KIAA1217: variants seen among roughly 807,000 people sequenced by gnomAD.
KIAA1217 encodes sickle tail protein homolog.
KIAA1217 carries 88 observed loss-of-function variants against 163.9 expected under a neutral mutation model. That is an observed-to-expected ratio of 0.54 (90% CI 0.45 to 0.64). The LOEUF (loss-of-function observed/expected upper bound fraction) is 0.64, where lower values mean the gene tolerates loss of function less well. KIAA1217 is among the 30% of genes least tolerant of loss of function. KIAA1217 has a pLI of 0.00. For synonymous variants in KIAA1217, 903 were observed against 923.1 expected (o/e 0.98, Z 0.39); for missense variants, 2,372 against 2,475.0 (o/e 0.96, Z 0.88).
intron 1 of KIAA1217, among the ~76,000 whole-genome samples, chr10:23,821,207 T>A (rs1837608835): frequency 6.6e-6 from 1 of 152,018 alleles, no homozygotes. Context: ...GCATGTATCA[T>A]CACTGAAATT....
chr10:23,940,460 C>CAAAAAAAAAAAAAAAAA (rs760090400), intron 1 of KIAA1217, among the ~76,000 whole-genome samples: 4 of 46,022 alleles, frequency 8.7e-5, no homozygotes, highest in African/African-American at 1.9e-4. Context: ...GACTCCGTCT[C>CAAAAAAAAAAAAAAAAA]AAAAAAAAAA....
rs974535813 is a variant in KIAA1217 at position 24,355,173 on chromosome 10, G to A, written c.355-25696G>A. Reference sequence around the variant, plus strand: ...GGCTGAACTCAGTCCCTGGAGCTTGGGGCCAGAGGAGGTTGCAGCTGTGTA... The same window carrying A: ...GGCTGAACTCAGTCCCTGGAGCTTGAGGCCAGAGGAGGTTGCAGCTGTGTA... On this transcript the variant is annotated intron_variant, in intron 2 of 20. Transcript: ENST00000376454. 4.6e-5 allele frequency among the ~76,000 whole-genome samples: 7 copies of A among 152,188 alleles called. No individual in the cohort carries two copies. The East Asian group carries it at 1.3e-3, about 29-fold the overall frequency.
At chr10:24,309,150 AAGGGAGGG>A (rs1162538496) in intron 2 of KIAA1217, among the ~76,000 whole-genome samples, 2 of 115,508 alleles carry the variant, frequency 1.7e-5, no homozygotes, top group South Asian at 7.0e-4. Flanking sequence ...GGAAGGAAGG[AAGGGAGGG>A]AGGGAGGGAG....
chr10:24,323,517 A>T (rs1164532107), intron 2 of KIAA1217, among the ~76,000 whole-genome samples: 1 of 152,186 alleles, frequency 6.6e-6, no homozygotes, highest in Non-Finnish European at 1.5e-5. Flanking sequence ...GTCCCTACTC[A>T]TGCTCTTTAT....
intron 1 of KIAA1217, among the ~76,000 whole-genome samples, chr10:23,952,472 T>C (rs934540891): frequency 1.3e-5 from 2 of 152,138 alleles, no homozygotes; most frequent in African/African-American, 4.8e-5. Flanking sequence ...CTGAGAGAAA[T>C]CACTCTGAAT....
At chr10:23,918,196 C>T (rs1171836039) in intron 1 of KIAA1217, among the ~76,000 whole-genome samples, 1 of 145,780 alleles carries the variant, frequency 6.9e-6, no homozygotes, top group African/African-American at 2.5e-5. Context: ...TTGCTTCATT[C>T]CCCAGGTTGT....
At chr10:23,840,812 T>A (rs1284184532) in intron 1 of KIAA1217, among the ~76,000 whole-genome samples, 1 of 152,132 alleles carries the variant, frequency 6.6e-6, no homozygotes, top group Non-Finnish European at 1.5e-5. Context: ...ATAATCAGAG[T>A]TCGACAGAAC....
Position 24,334,714 on chromosome 10 carries a change from T to C in KIAA1217, c.355-46155T>C, listed in dbSNP as rs189620064. Reference sequence around the variant, plus strand: ...TGCTCACTCACCATTGTAACTCTACTTCCAACAGTGTTTGGCACATAGTCA... The same window carrying C: ...TGCTCACTCACCATTGTAACTCTACCTCCAACAGTGTTTGGCACATAGTCA... On this transcript the variant is annotated intron_variant, in intron 2 of 20. Coordinates refer to ENST00000376454, the MANE Select transcript of KIAA1217 (RefSeq NM_019590.5). Among the ~76,000 whole-genome samples the C allele has an allele frequency of 5.3e-5, 8 of 152,334 alleles. 1 individual carries two copies. In the East Asian group the frequency reaches 1.5e-3, roughly 29 times the overall value.
intron 2 of KIAA1217, among the ~76,000 whole-genome samples, chr10:24,143,514 C>T (rs913954653): frequency 3.3e-5 from 5 of 152,230 alleles, no homozygotes; most frequent in Admixed American, 6.5e-5. Flanking sequence ...CCACCCACCT[C>T]GGCCTCCCAA....
At position 24,545,022 on chromosome 10, in the gene KIAA1217, C is replaced by A; in HGVS notation, c.5253C>A (p.Pro1751=). 1.2e-6 allele frequency: 2 copies of A among 1,614,114 alleles called. No individual in the cohort carries two copies. Among genetic ancestry groups the A allele is most frequent in the Non-Finnish European group, 1.7e-6 (2 of 1,180,008 alleles). The change falls in exon 20 of 21, where the codon CCC becomes CCA. Residue 1751 remains proline, a synonymous_variant. Transcript: ENST00000376454. ...CACAGACGAGCAGGATGCCTGTCCC[C>A]ATGAGTGCCAAGAACAGACCCGGAA... ...GAPQTSRMPV[P]MSAKNRPGTL... is the part of the protein sequence containing the mutation.
chr10:24,469,875 G>A (rs1265199642), intron 5 of KIAA1217, among the ~76,000 whole-genome samples: 1 of 152,202 alleles, frequency 6.6e-6, no homozygotes, highest in African/African-American at 2.4e-5. Context: ...GCCTCCCAAA[G>A]TGCTGGGATT....
rs1591008984 is a variant in KIAA1217 at position 24,329,132 on chromosome 10, ATAC to A, written c.355-51734_355-51732del. ...TATAATTATACTGGAGTGTATATAT[ATAC>A]TATAAATATATACATAGTTTATATT... On this transcript the variant is annotated intron_variant, in intron 2 of 20. Coordinates refer to ENST00000376454, the MANE Select transcript of KIAA1217 (RefSeq NM_019590.5). Among the ~76,000 whole-genome samples the A allele has an allele frequency of 2.0e-5, 3 of 148,012 alleles. No homozygotes were observed. In the East Asian group the frequency reaches 5.9e-4, roughly 29 times the overall value.
chr10:24,270,387 A>T (rs2131943880), intron 2 of KIAA1217, among the ~76,000 whole-genome samples: 1 of 152,294 alleles, frequency 6.6e-6, no homozygotes, highest in Admixed American at 6.5e-5. Context: ...AAATATTTAC[A>T]ACCCATCCCT....
At chr10:23,728,405 C>G (rs1838287720) in intron 1 of KIAA1217, among the ~76,000 whole-genome samples, 1 of 152,126 alleles carries the variant, frequency 6.6e-6, no homozygotes, top group Non-Finnish European at 1.5e-5. Context: ...TTGTATTTCT[C>G]TAATGACCAG....
At chr10:24,337,260 A>G (rs1467930507) in intron 2 of KIAA1217, among the ~76,000 whole-genome samples, 1 of 152,268 alleles carries the variant, frequency 6.6e-6, no homozygotes, top group African/African-American at 2.4e-5. Context: ...CTAAGACTTG[A>G]ATAGATATTT....
intron 4 of KIAA1217, among the ~76,000 whole-genome samples, chr10:24,434,948 G>T (rs1056312172): frequency 6.6e-6 from 1 of 152,140 alleles, no homozygotes; most frequent in African/African-American, 2.4e-5. Context: ...TGATTTCTTC[G>T]AATGTTCCCT....
rs555946673 is a variant in KIAA1217, at chr10:24,371,339, C to T, written c.355-9530C>T. ...GGGAAAAAAAAGAATACTGTATCATCTACAAACTATGAAGGGTTGAAAGGT... is the reference window on the plus strand; with the variant it reads ...GGGAAAAAAAAGAATACTGTATCATTTACAAACTATGAAGGGTTGAAAGGT... On this transcript the variant is annotated intron_variant, in intron 2 of 20. Coordinates refer to ENST00000376454, the MANE Select transcript of KIAA1217 (RefSeq NM_019590.5). 1.2e-4 allele frequency among the ~76,000 whole-genome samples: 19 copies of T among 152,278 alleles called. No homozygotes were observed. The South Asian group carries it at 3.5e-3, about 28-fold the overall frequency.
intron 1 of KIAA1217, among the ~76,000 whole-genome samples, chr10:23,842,762 T>TA (rs1329340689): frequency 2.0e-5 from 3 of 151,904 alleles, no homozygotes; most frequent in Non-Finnish European, 4.4e-5. Flanking sequence ...TATTTTAGGA[T>TA]AAAATCATCT....
intron 2 of KIAA1217, among the ~76,000 whole-genome samples, chr10:24,064,406 A>T (rs12098846): frequency 0.15 from 23,497 of 151,796 alleles, 4,480 homozygotes; most frequent in African/African-American, 0.46. Flanking sequence ...AATCATGTGG[A>T]TTTTGTCTTT....
Sources: gnomAD v4.1 joint callset for allele counts (sites outside exome capture counted in the v4.1 genomes callset) on GRCh38, gnomAD v4.1.1 for gene constraint, MANE v1.5 for transcripts, NCBI Gene and HGNC (gene_info 2026-07-23, HGNC 2026-07-21) for gene names.